The following GAB2 variants were observed in gnomAD, a reference collection of about 807,000 sequenced individuals.
The protein encoded by GAB2 is GRB2-associated-binding protein 2.
A neutral mutation model predicts 65.5 loss-of-function variants in GAB2; 26 were observed. The ratio of observed to expected loss-of-function variants is 0.40; its 90% CI spans 0.29 to 0.55. The LOEUF is 0.55. GAB2 is among the 20% of genes least tolerant of loss of function. GAB2 has a pLI of 0.53. For missense variants in GAB2, 884 were observed against 875.8 expected, an observed-to-expected ratio of 1.01 and a Z score of -0.12; for synonymous variants, 321 against 329.6, an observed-to-expected ratio of 0.97 and a Z score of 0.28.
intron 1 of GAB2, among the ~76,000 whole-genome samples, chr11:78,397,873 A>C (rs537785699): frequency 1.2e-3 from 177 of 152,308 alleles, no homozygotes; most frequent in African/African-American, 4.0e-3. Flanking sequence ...TAGCCTCAAT[A>C]AGTTATAGTC....
rs187548564 is a variant in GAB2, at chr11:78,285,365, T to C, written c.76-4464A>G. Among the ~76,000 whole-genome samples the C allele has an allele frequency of 1.4e-3, 216 of 152,350 alleles. 4 individuals are homozygous for C. The highest frequency in any genetic ancestry group is 0.014 in the Admixed American group (216 of 15,312). ...CAAGTAAGTGGTGTAGGCTGATAAA[T>C]GGCTGCCTACAAAATACTGATATAT... On this transcript the variant is annotated intron_variant, in intron 1 of 9. Transcript: ENST00000361507.
intron 8 of GAB2, among the ~76,000 whole-genome samples, chr11:78,220,950 T>A (rs556489454): frequency 2.6e-4 from 39 of 152,148 alleles, no homozygotes. Context: ...TAGAGTGGGG[T>A]AGTCACCCCA....
intron 3 of GAB2, among the ~76,000 whole-genome samples, chr11:78,244,458 A>T (rs1270525179): frequency 6.6e-6 from 1 of 152,080 alleles, no homozygotes; most frequent in Non-Finnish European, 1.5e-5. Context: ...CAGCAAAGGG[A>T]AACAATCAAC....
intron 1 of GAB2, among the ~76,000 whole-genome samples, chr11:78,313,597 T>C (rs1855543187): frequency 6.6e-6 from 1 of 152,234 alleles, no homozygotes; most frequent in African/African-American, 2.4e-5. Context: ...GGCTGATTCA[T>C]TTGTTCAGGG....
At chr11:78,266,715 G>C (rs766071527) in intron 2 of GAB2, among the ~76,000 whole-genome samples, 1 of 152,182 alleles carries the variant, frequency 6.6e-6, no homozygotes, top group Non-Finnish European at 1.5e-5. Context: ...AGACATAGAG[G>C]AGGCAGAGAG....
At chr11:78,255,561 C>T (rs978240504) in intron 2 of GAB2, among the ~76,000 whole-genome samples, 2 of 152,218 alleles carry the variant, frequency 1.3e-5, no homozygotes, top group Non-Finnish European at 2.9e-5. Flanking sequence ...TTCCAACCCC[C>T]AATTCTGATG....
At chr11:78,372,413 AAT>A (rs1388766379) in intron 1 of GAB2, among the ~76,000 whole-genome samples, 1 of 152,220 alleles carries the variant, frequency 6.6e-6, no homozygotes, top group Non-Finnish European at 1.5e-5. Flanking sequence ...AAGTGTGCCA[AAT>A]ACATTTGACC....
chr11:78,220,724 A>G (rs548331488), intron 8 of GAB2, among the ~76,000 whole-genome samples: 1 of 152,252 alleles, frequency 6.6e-6, no homozygotes, highest in African/African-American at 2.4e-5. Flanking sequence ...GAGTGATGGG[A>G]ATCAGGTCTG....
intron 1 of GAB2, among the ~76,000 whole-genome samples, chr11:78,360,807 C>G (rs1856424683): frequency 6.6e-6 from 1 of 152,044 alleles, no homozygotes; most frequent in South Asian, 2.1e-4. Flanking sequence ...TGCAGTGAGC[C>G]AAGATCTTGT....
At chr11:78,389,943 GGATAA>G (rs1378844595) in intron 1 of GAB2, among the ~76,000 whole-genome samples, 1 of 144,088 alleles carries the variant, frequency 6.9e-6, no homozygotes, top group Non-Finnish European at 1.5e-5. Context: ...TTTTGTACAT[GGATAA>G]GATAATACTT....
At chr11:78,306,027 G>A (rs542857976) in intron 1 of GAB2, among the ~76,000 whole-genome samples, 4 of 152,294 alleles carry the variant, frequency 2.6e-5, no homozygotes, top group East Asian at 3.9e-4. Flanking sequence ...GCAGTTTAAC[G>A]TCTAGAATGC....
intron 2 of GAB2, among the ~76,000 whole-genome samples, chr11:78,253,897 T>C (rs1369592741): frequency 5.9e-5 from 9 of 152,220 alleles, no homozygotes; most frequent in Non-Finnish European, 4.4e-5. Flanking sequence ...GTTTCCTCAG[T>C]ATTACAATAA....
intron 2 of GAB2, among the ~76,000 whole-genome samples, chr11:78,255,338 TG>T (rs1865567412): frequency 6.6e-6 from 1 of 152,198 alleles, no homozygotes; most frequent in Non-Finnish European, 1.5e-5. Flanking sequence ...AGTAAATTTT[TG>T]TTGTTTTAAT....
chr11:78,333,532 C>G (rs145145994), intron 1 of GAB2, among the ~76,000 whole-genome samples: 1 of 152,130 alleles, frequency 6.6e-6, no homozygotes, highest in Admixed American at 6.5e-5. Flanking sequence ...CCTCCCAAAG[C>G]GCTGGGATTA....
intron 1 of GAB2, among the ~76,000 whole-genome samples, chr11:78,383,581 C>CAGAAAAAAAAAAAAAAAAAA: frequency 1.8e-5 from 1 of 55,582 alleles, no homozygotes; most frequent in Non-Finnish European, 3.7e-5. Context: ...CCTGTCTCTC[C>CAGAAAAAAAAAAAAAAAAAA]AAAAAAAAAA....
rs138790548 is a variant in GAB2, at chr11:78,376,577, T to G, written c.75+41069A>C. 3.6e-3 allele frequency among the ~76,000 whole-genome samples: 548 copies of G among 152,348 alleles called. 5 individuals are homozygous for G. Among genetic ancestry groups the G allele is most frequent in the African/African-American group, 0.012 (495 of 41,578 alleles). On this transcript the variant is annotated intron_variant, in intron 1 of 9. Transcript: ENST00000361507. ...GGTTGTGTTCAGTATATGTGAAACT[T>G]GGAAATGTGTTTTCACACATTCTGT... is the stretch of plus-strand genomic sequence containing the variant.
At chr11:78,408,251 G>A (rs185399930) in intron 1 of GAB2, among the ~76,000 whole-genome samples, 1 of 152,194 alleles carries the variant, frequency 6.6e-6, no homozygotes, top group African/African-American at 2.4e-5. Context: ...ATGGCAAAAG[G>A]ACATAAAGGG....
At chr11:78,254,779 C>A (rs1409319485) in intron 2 of GAB2, among the ~76,000 whole-genome samples, 1 of 150,704 alleles carries the variant, frequency 6.6e-6, no homozygotes, top group Non-Finnish European at 1.5e-5. Flanking sequence ...GCCAAGATGA[C>A]AGAGTGACAC....
In GAB2 at chr11:78,223,606, C is replaced by CCTGG; in HGVS notation, c.1369_1372dup (p.Gly458AlafsTer14). On this transcript the variant is annotated frameshift_variant, in exon 6 of 10. Transcript: ENST00000361507. LOFTEE classifies it high-confidence loss of function. ...TTCCATGGCCAACAGGGTGGAAGAA[C>CCTGG]CTGGATTCATGGGCACATAGTTGTC... is the stretch of plus-strand genomic sequence containing the variant. The CCTGG allele has an allele frequency of 6.2e-7, 1 of 1,613,590 alleles. No homozygotes were observed. The highest frequency in any genetic ancestry group is 8.5e-7 in the Non-Finnish European group (1 of 1,179,728).
Sources: gnomAD v4.1 joint callset for allele counts (sites outside exome capture counted in the v4.1 genomes callset) on GRCh38, gnomAD v4.1.1 for gene constraint, MANE v1.5 for transcripts, NCBI Gene and HGNC (gene_info 2026-07-23, HGNC 2026-07-21) for gene names.